ACTR3C: variants seen among roughly 807,000 people sequenced by gnomAD.
ACTR3C encodes actin related protein 3C.
In ACTR3C, 18 loss-of-function variants were observed where a neutral mutation model predicts 26.3. The ratio of observed to expected loss-of-function variants is 0.68; its 90% CI spans 0.47 to 1.01. The LOEUF is 1.01. Among genes scored for constraint, ACTR3C ranks in the 50% least tolerant of loss-of-function variants. The pLI, the probability that ACTR3C is intolerant of heterozygous loss-of-function variation, is 0.00. For missense variants in ACTR3C, 184 were observed against 250.7 expected (o/e 0.73, Z 1.80); for synonymous variants, 55 against 94.5 (o/e 0.58, Z 2.42).
downstream of ACTR3C, among the ~76,000 whole-genome samples, chr7:150,241,167 G>A (rs1832155609): frequency 6.6e-6 from 1 of 151,892 alleles, no homozygotes; most frequent in African/African-American, 2.4e-5. Context: ...AAATTTATCT[G>A]GAAATGCAAA....
At chr7:150,163,757 T>C in the ACTR3C span, among the ~76,000 whole-genome samples, 1 of 151,982 alleles carries the variant, frequency 6.6e-6, no homozygotes, top group Admixed American at 6.6e-5. Flanking sequence ...AGCATCCCCG[T>C]TCAGGCAGGT....
chr7:149,893,391 T>A, the ACTR3C span, among the ~76,000 whole-genome samples: 3 of 152,356 alleles, frequency 2.0e-5, no homozygotes, highest in Admixed American at 6.5e-5. Flanking sequence ...GTCTCTCCAG[T>A]GGGAGGCTCA....
the ACTR3C span, among the ~76,000 whole-genome samples, chr7:150,152,104 C>T: frequency 8.4e-3 from 1,281 of 151,944 alleles, 21 homozygotes; most frequent in African/African-American, 0.028. Flanking sequence ...ATTTGACTTC[C>T]TCTTTTCCTA....
At chr7:149,983,774 C>G in the ACTR3C span, among the ~76,000 whole-genome samples, 1 of 152,048 alleles carries the variant, frequency 6.6e-6, no homozygotes, top group Non-Finnish European at 1.5e-5. Flanking sequence ...CACATATATA[C>G]CATCAAATAT....
chr7:150,145,049 C>CCAA, the ACTR3C span, among the ~76,000 whole-genome samples: 1 of 106,172 alleles, frequency 9.4e-6, no homozygotes, highest in Admixed American at 1.0e-4. Flanking sequence ...GACTCCATCT[C>CCAA]AAAAAAAAAA....
chr7:150,228,041 G>A, the ACTR3C span, among the ~76,000 whole-genome samples: 3 of 152,026 alleles, frequency 2.0e-5, no homozygotes, highest in African/African-American at 7.2e-5. Flanking sequence ...TCTACAAAAG[G>A]ACTTGCAGAT....
chr7:149,967,006 CGT>C, the ACTR3C span, among the ~76,000 whole-genome samples: 2 of 139,500 alleles, frequency 1.4e-5, no homozygotes, highest in East Asian at 4.3e-4. Flanking sequence ...GGATTACAGG[CGT>C]GTGTCACCAT....
chr7:150,309,517 G>A (rs1274101166), intron 1 of ACTR3C, among the ~76,000 whole-genome samples: 2 of 152,154 alleles, frequency 1.3e-5, no homozygotes, highest in African/African-American at 2.4e-5. Flanking sequence ...AACTGCTTGC[G>A]CCTGCTGTAA....
At chr7:150,239,799 T>G (rs948279759), downstream of ACTR3C, among the ~76,000 whole-genome samples, 9 of 151,018 alleles carry the variant, frequency 6.0e-5, no homozygotes, top group Non-Finnish European at 1.2e-4. Flanking sequence ...TCACCCAGAT[T>G]GGAGTGCAGT....
the ACTR3C span, among the ~76,000 whole-genome samples, chr7:150,178,689 T>G: frequency 6.6e-6 from 1 of 150,758 alleles, no homozygotes; most frequent in Non-Finnish European, 1.5e-5. Context: ...GGTACAAACA[T>G]GTACAGTCAA....
the ACTR3C span, among the ~76,000 whole-genome samples, chr7:150,077,665 G>C: frequency 2.0e-5 from 3 of 152,178 alleles, no homozygotes; most frequent in African/African-American, 7.2e-5. Context: ...AGGGGAATTG[G>C]CTTTGTACTG....
At chr7:150,039,740 G>T in the ACTR3C span, among the ~76,000 whole-genome samples, 9 of 143,366 alleles carry the variant, frequency 6.3e-5, no homozygotes, top group Admixed American at 5.7e-4. Context: ...CCTCGCGGGG[G>T]GTGCCTCCCC....
chr7:150,037,310 C>G, the ACTR3C span, among the ~76,000 whole-genome samples: 47 of 45,964 alleles, frequency 1.0e-3, 13 homozygotes, highest in African/African-American at 3.1e-3. Flanking sequence ...ATCTTAGGAT[C>G]AACGATGCGG....
the ACTR3C span, among the ~76,000 whole-genome samples, chr7:150,102,180 C>T: frequency 1.3e-5 from 2 of 151,432 alleles, no homozygotes; most frequent in Non-Finnish European, 2.9e-5. Flanking sequence ...AGGCAGATGT[C>T]CTGAAGATTC....
chr7:150,207,614 CA>C, the ACTR3C span, among the ~76,000 whole-genome samples: 1 of 147,976 alleles, frequency 6.8e-6, no homozygotes, highest in Non-Finnish European at 1.5e-5. Flanking sequence ...TTTCCTCAGT[CA>C]AAAAAAAGGG....
At chr7:149,917,131 A>G in the ACTR3C span, among the ~76,000 whole-genome samples, 3 of 149,288 alleles carry the variant, frequency 2.0e-5, no homozygotes, top group Admixed American at 1.3e-4. Flanking sequence ...GCTGGAGTGC[A>G]ATGGCGCGAT....
the ACTR3C span, among the ~76,000 whole-genome samples, chr7:149,926,561 C>T: frequency 6.6e-6 from 1 of 152,266 alleles, no homozygotes; most frequent in East Asian, 1.9e-4. Flanking sequence ...TTCCCTGGTA[C>T]GGAGCATTGC....
chr7:149,882,925 C>T, the ACTR3C span, among the ~76,000 whole-genome samples: 4 of 152,196 alleles, frequency 2.6e-5, no homozygotes, highest in Admixed American at 2.6e-4. Context: ...AGGTTCTGGC[C>T]TCCCCCAGAG....
At chr7:149,945,412 G>A in the ACTR3C span, among the ~76,000 whole-genome samples, 1 of 152,038 alleles carries the variant, frequency 6.6e-6, no homozygotes, top group African/African-American at 2.4e-5. Flanking sequence ...ATTGATGGCG[G>A]GGCATTGCCT....
Sources: allele counts gnomAD v4.1 joint callset (sites outside exome capture counted in the v4.1 genomes callset), GRCh38; gene constraint gnomAD v4.1.1; transcripts MANE v1.5; gene names NCBI Gene and HGNC (gene_info 2026-07-23, HGNC 2026-07-21).